The following NEK10 variants were observed in gnomAD, a reference collection of about 807,000 sequenced individuals.
NEK10 encodes serine/threonine-protein kinase Nek10.
In NEK10, 122 loss-of-function variants were observed where a neutral mutation model predicts 159.8. That is an observed-to-expected ratio of 0.76 (90% confidence interval 0.66 to 0.89). The LOEUF (loss-of-function observed/expected upper bound fraction) is 0.89, where lower values mean the gene tolerates loss of function less well. Ranked by LOEUF, NEK10 falls within the 40% of genes least tolerant of loss-of-function variation. The pLI, the probability that NEK10 is intolerant of heterozygous loss-of-function variation, is 0.00. For missense variants in NEK10, 1,342 were observed against 1,323.1 expected, an observed-to-expected ratio of 1.01 and a Z score of -0.22; for synonymous variants, 466 against 457.1, an observed-to-expected ratio of 1.02 and a Z score of -0.25.
intron 22 of NEK10, among the ~76,000 whole-genome samples, chr3:27,266,226 T>A (rs556812663): frequency 6.6e-6 from 1 of 152,370 alleles, no homozygotes; most frequent in African/African-American, 2.4e-5. Flanking sequence ...TTACATGTTA[T>A]GGCTTTGATG....
intron 8 of NEK10, chr3:27,311,370 A>C: frequency 5.9e-6 from 1 of 168,582 alleles, no homozygotes; most frequent in Non-Finnish European, 1.3e-5. Flanking sequence ...AAGAGAGGGA[A>C]GGCCAGCAAA....
At chr3:27,351,926 T>TA (rs1337975403) in intron 3 of NEK10, among the ~76,000 whole-genome samples, 1 of 151,958 alleles carries the variant, frequency 6.6e-6, no homozygotes, top group Non-Finnish European at 1.5e-5. Flanking sequence ...AGTTTGGAGA[T>TA]AAATTCAAGC....
chr3:27,213,845 C>T (rs571361812), intron 23 of NEK10, among the ~76,000 whole-genome samples: 36 of 152,324 alleles, frequency 2.4e-4, no homozygotes, highest in African/African-American at 8.7e-4. Context: ...TTTTTAAAGG[C>T]CCTGCAAAGC....
intron 24 of NEK10, among the ~76,000 whole-genome samples, 163 bp downstream of exon 24, chr3:27,202,265 A>C (rs1401902053): frequency 6.6e-6 from 1 of 152,234 alleles, no homozygotes; most frequent in Non-Finnish European, 1.5e-5. Flanking sequence ...CATGAGATAT[A>C]TATTTAGAAG....
chr3:27,328,155 A>G (rs540314095), intron 5 of NEK10, among the ~76,000 whole-genome samples: 1 of 152,316 alleles, frequency 6.6e-6, no homozygotes, highest in Admixed American at 6.5e-5. Flanking sequence ...TATTTCTTCT[A>G]CATAATTAAT....
At chr3:27,112,014 C>T (rs1031900745) in intron 35 of NEK10, among the ~76,000 whole-genome samples, 5 of 152,196 alleles carry the variant, frequency 3.3e-5, no homozygotes, top group Admixed American at 6.5e-5. Context: ...TTCCTTCCAA[C>T]TCAGTCCTAG....
At chr3:27,201,411 C>T in intron 25 of NEK10, 99 bp downstream of exon 25, 1 of 1,026,698 alleles carries the variant, frequency 9.7e-7, no homozygotes, top group Middle Eastern at 2.2e-4. Context: ...TGTAGGGACT[C>T]TTTCTCTTCA....
chr3:27,188,942 C>A (rs906162661), intron 26 of NEK10, among the ~76,000 whole-genome samples: 1 of 152,114 alleles, frequency 6.6e-6, no homozygotes, highest in Admixed American at 6.5e-5. Flanking sequence ...TCTCTGTGTT[C>A]ACTACACTGT....
At chr3:27,342,709 G>A (rs913607704) in intron 5 of NEK10, among the ~76,000 whole-genome samples, 123 of 151,956 alleles carry the variant, frequency 8.1e-4, no homozygotes, top group African/African-American at 2.3e-3. Context: ...ACCAGTGCCC[G>A]GTTATTTTCC....
chr3:27,132,038 C>T (rs747950905), intron 31 of NEK10, 48 bp from the exon 32 acceptor site: 2 of 1,045,450 alleles, frequency 1.9e-6, no homozygotes, highest in Non-Finnish European at 1.5e-6. Flanking sequence ...GTTAACACTA[C>T]ACAGCTGACT....
In NEK10 at chr3:27,174,760, C is replaced by T. The variant is rs1227371271; in HGVS notation, c.2579G>A (p.Ser860Asn). 7 of 1,613,146 alleles carry T rather than the reference C, an allele frequency of 4.3e-6. No individual in the cohort carries two copies. Among genetic ancestry groups the T allele is most frequent in the Admixed American group, 1.7e-5 (1 of 59,802 alleles). ...GAAGCCTTCAGGGGGCAGGTCTGCG[C>T]TTTCTGAAAGTTCACTTTTCAGGCT... ...AASLKSELSE[S>N]ADLPPEGFQA... The change falls in exon 27 of 36, where the codon AGC becomes AAC. Residue 860 changes from serine to asparagine, a missense_variant. Physicochemically the swap from Ser to Asn is conservative, Grantham distance 46. Coordinates refer to ENST00000691995, the MANE Select transcript of NEK10 (RefSeq NM_001394966.1).
intron 23 of NEK10, chr3:27,252,233 A>G: frequency 2.0e-6 from 1 of 502,610 alleles, no homozygotes; most frequent in Non-Finnish European, 4.0e-6. Context: ...AAGACTATGA[A>G]AAAATAAAGC....
intron 12 of NEK10, among the ~76,000 whole-genome samples, chr3:27,303,020 A>G (rs1323204587): frequency 1.3e-5 from 2 of 152,242 alleles, no homozygotes; most frequent in Non-Finnish European, 2.9e-5. Flanking sequence ...GACAGCCTGG[A>G]AACGTCTACC....
At chr3:27,341,533 T>A (rs1433412094) in intron 5 of NEK10, among the ~76,000 whole-genome samples, 1 of 152,154 alleles carries the variant, frequency 6.6e-6, no homozygotes, top group Non-Finnish European at 1.5e-5. Flanking sequence ...TAAAGATTAG[T>A]TACCATTGTG....
chr3:27,171,757 C>G (rs1309788599), intron 29 of NEK10, 62 bp downstream of exon 29: 5 of 1,563,324 alleles, frequency 3.2e-6, no homozygotes, highest in Non-Finnish European at 4.4e-6. Context: ...TTCAATTCAG[C>G]TGAGTTATTA....
At chr3:27,315,821 C>T (rs927892566) in intron 6 of NEK10, among the ~76,000 whole-genome samples, 24 of 152,178 alleles carry the variant, frequency 1.6e-4, no homozygotes, top group African/African-American at 5.1e-4. Flanking sequence ...AGAATAGAGA[C>T]ACCTCATTCC....
At chr3:27,333,728 G>C (rs772962544) in intron 5 of NEK10, among the ~76,000 whole-genome samples, 1 of 151,910 alleles carries the variant, frequency 6.6e-6, no homozygotes, top group Admixed American at 6.5e-5. Flanking sequence ...AACCAGGGCT[G>C]AGCAAGGCAC....
At chr3:27,324,534 A>C (rs963090662) in intron 5 of NEK10, among the ~76,000 whole-genome samples, 1 of 152,076 alleles carries the variant, frequency 6.6e-6, no homozygotes, top group Admixed American at 6.6e-5. Context: ...TCCTCAGCAA[A>C]TCCTGTCTGC....
chr3:27,226,912 A>T (rs1952702982), intron 23 of NEK10, among the ~76,000 whole-genome samples: 1 of 152,176 alleles, frequency 6.6e-6, no homozygotes. Flanking sequence ...GTATAGAATA[A>T]CTAACCAAGG....
Sources: gnomAD v4.1 joint callset for allele counts (sites outside exome capture counted in the v4.1 genomes callset) on GRCh38, gnomAD v4.1.1 for gene constraint, MANE v1.5 for transcripts, NCBI Gene and HGNC (gene_info 2026-07-23, HGNC 2026-07-21) for gene names.